Variants in PALM2AKAP2 observed in about 807,000 individuals in gnomAD.
PALM2AKAP2 encodes the protein PALM2 and AKAP2 fusion.
In PALM2AKAP2, 37 loss-of-function variants were observed where a neutral mutation model predicts 71.5. The observed-to-expected ratio is 0.52, with a 90% CI of 0.40 to 0.68. The LOEUF (loss-of-function observed/expected upper bound fraction) is 0.68, where lower values mean the gene tolerates loss of function less well. Among genes scored for constraint, PALM2AKAP2 ranks in the 30% least tolerant of loss-of-function variants. The pLI is 0.00. For synonymous variants in PALM2AKAP2, 468 were observed against 478.8 expected (o/e 0.98, Z 0.29); for missense variants, 1,224 against 1,191.8 (o/e 1.03, Z -0.40).
At chr9:110,170,854 G>A (rs1242883327) in exon 4 of PALM2AKAP2, 1 of 152,370 alleles carries the variant, frequency 6.6e-6, no homozygotes, top group Non-Finnish European at 1.5e-5. Flanking sequence ...TGAGAACCCA[G>A]CGATAAGGGG....
At chr9:109,844,330 C>T (rs1474581300) in intron 1 of PALM2AKAP2, among the ~76,000 whole-genome samples, 2 of 152,094 alleles carry the variant, frequency 1.3e-5, no homozygotes, top group South Asian at 4.1e-4. Flanking sequence ...ATGTAAGGAA[C>T]TGAGGGGATG....
chr9:109,897,540 C>G (rs1170803045), intron 3 of PALM2AKAP2, among the ~76,000 whole-genome samples: 1 of 151,932 alleles, frequency 6.6e-6, no homozygotes, highest in Non-Finnish European at 1.5e-5. Context: ...GATTGCATCA[C>G]TGCACTCCAG....
chr9:109,851,306 T>C (rs1312217853), intron 1 of PALM2AKAP2, among the ~76,000 whole-genome samples: 1 of 152,106 alleles, frequency 6.6e-6, no homozygotes, highest in Non-Finnish European at 1.5e-5. Context: ...CTTGGTGCTT[T>C]TTGATGATCC....
At chr9:109,721,425 A>G (rs931009315) in intron 1 of PALM2AKAP2, among the ~76,000 whole-genome samples, 1 of 152,214 alleles carries the variant, frequency 6.6e-6, no homozygotes, top group Non-Finnish European at 1.5e-5. Context: ...CCTTGTCAGA[A>G]TATTCCAACT....
In PALM2AKAP2 at chr9:109,641,543, G is replaced by A. The variant is rs961394090; in HGVS notation, c.5+677G>A. ...GAAAAGACATTAAATAAAGGGCTCCGGTTGTGGGTCTGGTCTAGGATTCCT... is the reference window on the plus strand; with the variant it reads ...GAAAAGACATTAAATAAAGGGCTCCAGTTGTGGGTCTGGTCTAGGATTCCT... On this transcript the variant is annotated intron_variant, in intron 1 of 6. Coordinates refer to the PALM2AKAP2 transcript ENST00000374531. Among the ~76,000 whole-genome samples the A allele has an allele frequency of 6.6e-5, 10 of 152,190 alleles. No homozygotes were observed. In the East Asian group the frequency reaches 1.7e-3, roughly 26 times the overall value.
At chr9:110,129,572 A>G (rs181195882) in intron 1 of PALM2AKAP2, among the ~76,000 whole-genome samples, 17 of 152,228 alleles carry the variant, frequency 1.1e-4, no homozygotes, top group African/African-American at 3.6e-4. Context: ...ACAGAGGGCC[A>G]TTTTTCAAGC....
intron 1 of PALM2AKAP2, among the ~76,000 whole-genome samples, chr9:109,675,926 A>G (rs897898761): frequency 4.7e-4 from 71 of 152,312 alleles, no homozygotes; most frequent in African/African-American, 1.5e-3. Context: ...GAAAACTGCC[A>G]CATTAAATGG....
chr9:110,154,895 A>G (rs1456450830), intron 2 of PALM2AKAP2, among the ~76,000 whole-genome samples: 1 of 152,202 alleles, frequency 6.6e-6, no homozygotes, highest in Non-Finnish European at 1.5e-5. Flanking sequence ...CACAAAGATA[A>G]CTTCTTCCAA....
intron 1 of PALM2AKAP2, among the ~76,000 whole-genome samples, chr9:110,068,634 C>T (rs373591602): frequency 5.9e-5 from 9 of 151,962 alleles, no homozygotes; most frequent in Admixed American, 2.6e-4. Context: ...CAGGCTCAAG[C>T]GATCCTCCCA....
At chr9:109,942,570 C>T (rs1831398243) in intron 6 of PALM2AKAP2, 1 of 1,148,846 alleles carries the variant, frequency 8.7e-7, no homozygotes, top group Non-Finnish European at 1.2e-6. Flanking sequence ...ACTCAAGATG[C>T]TTGGCAGTTA....
chr9:110,044,254 C>T (rs1833557485), upstream of PALM2AKAP2, among the ~76,000 whole-genome samples: 3 of 152,088 alleles, frequency 2.0e-5, no homozygotes, highest in South Asian at 6.2e-4. Flanking sequence ...GTGGGAAAGC[C>T]CCAGGGACAT....
At chr9:109,711,193 G>A (rs1452640074) in intron 1 of PALM2AKAP2, among the ~76,000 whole-genome samples, 4 of 152,136 alleles carry the variant, frequency 2.6e-5, no homozygotes, top group Non-Finnish European at 5.9e-5. Flanking sequence ...GGTGGTAGTA[G>A]CCTGGTAGTA....
chr9:109,754,388 CT>C (rs1828928001), intron 1 of PALM2AKAP2, among the ~76,000 whole-genome samples: 1 of 152,098 alleles, frequency 6.6e-6, no homozygotes, highest in African/African-American at 2.4e-5. Flanking sequence ...TTCATTCTCT[CT>C]TTTTTGTCTT....
intron 1 of PALM2AKAP2, among the ~76,000 whole-genome samples, chr9:110,088,963 A>G (rs550686340): frequency 6.6e-5 from 10 of 152,090 alleles, no homozygotes; most frequent in African/African-American, 2.4e-4. Flanking sequence ...CAGGTGATCC[A>G]CCTGCGTTGG....
chr9:109,761,917 T>A (rs574762721), intron 1 of PALM2AKAP2, among the ~76,000 whole-genome samples: 1 of 152,218 alleles, frequency 6.6e-6, no homozygotes, highest in Admixed American at 6.5e-5. Context: ...ATTTATGCTG[T>A]CAACAAACAT....
chr9:110,138,167 C>G, exon 2 of PALM2AKAP2: 1 of 1,614,018 alleles, frequency 6.2e-7, no homozygotes, highest in Non-Finnish European at 8.5e-7. Context: ...ACCAAAGATT[C>G]TGCCTGCTGA....
chr9:110,141,133 C>T (rs941678884), intron 2 of PALM2AKAP2, among the ~76,000 whole-genome samples: 8 of 152,172 alleles, frequency 5.3e-5, no homozygotes, highest in African/African-American at 1.2e-4. Context: ...ATTCCCCCAC[C>T]GGCTGTTGTC....
intron 7 of PALM2AKAP2, among the ~76,000 whole-genome samples, chr9:110,019,912 GC>G (rs1833043434): frequency 6.6e-6 from 1 of 152,092 alleles, no homozygotes; most frequent in Non-Finnish European, 1.5e-5. Flanking sequence ...CTTGTATCAA[GC>G]CTGTTCATGA....
At chr9:109,867,041 T>C (rs2131693863) in intron 1 of PALM2AKAP2, 1 of 456,736 alleles carries the variant, frequency 2.2e-6, no homozygotes, top group East Asian at 6.9e-5. Context: ...ATCAAATAAA[T>C]CTCACCCAGA....
Sources: gnomAD v4.1 joint callset for allele counts (sites outside exome capture counted in the v4.1 genomes callset) on GRCh38, gnomAD v4.1.1 for gene constraint, MANE v1.5 for transcripts, NCBI Gene and HGNC (gene_info 2026-07-23, HGNC 2026-07-21) for gene names.